SEC24D: variants seen among roughly 807,000 people sequenced by gnomAD.
SEC24D encodes the protein SEC24 homolog D, COPII component.
In SEC24D, 69 loss-of-function variants were observed where a neutral mutation model predicts 116.9. The observed-to-expected ratio is 0.59, with a 90% CI of 0.49 to 0.72. The LOEUF (loss-of-function observed/expected upper bound fraction) is 0.72. SEC24D is among the 30% of genes least tolerant of loss of function. The pLI, the probability that SEC24D is intolerant of heterozygous loss-of-function variation, is 0.00. For missense variants in SEC24D, 1,131 were observed against 1,264.1 expected (o/e 0.89, Z 1.60); for synonymous variants, 405 against 442.8 (o/e 0.91, Z 1.07).
At chr4:118,770,393 A>T (rs1328405333) in intron 8 of SEC24D, among the ~76,000 whole-genome samples, 1 of 152,210 alleles carries the variant, frequency 6.6e-6, no homozygotes, top group African/African-American at 2.4e-5. Context: ...TAAGAAGCGG[A>T]AGACAACAAA....
chr4:118,821,842 T>C (rs1390011181), intron 3 of SEC24D, among the ~76,000 whole-genome samples: 3 of 152,364 alleles, frequency 2.0e-5, no homozygotes, highest in Middle Eastern at 3.4e-3. Context: ...CAAGGCAGCA[T>C]GGTAACCAGG....
Position 118,723,565 on chromosome 4 carries a change from C to CTT in SEC24D, c.3048_3049insAA (p.Val1017LysfsTer19), listed in dbSNP as rs776306606. On this transcript the variant is annotated frameshift_variant, in exon 23 of 23. Transcript: ENST00000280551. LOFTEE classifies it high-confidence loss of function. ...TTGTGAACACAACAAAGGAAATCCA[C>CTT]ATAAGAAGAGCCTCCGTAAAGTCCT... The CTT allele has an allele frequency of 3.1e-6, 5 of 1,613,670 alleles. No homozygotes were observed. In the Admixed American group the frequency reaches 8.3e-5, roughly 27 times the overall value.
chr4:118,753,110 A>C (rs1439838848), intron 11 of SEC24D, among the ~76,000 whole-genome samples: 1 of 152,130 alleles, frequency 6.6e-6, no homozygotes, highest in African/African-American at 2.4e-5. Context: ...AAATCCTCAA[A>C]ATTCTAGGTA....
At chr4:118,770,753 A>T (rs541280176) in intron 8 of SEC24D, among the ~76,000 whole-genome samples, 1 of 152,206 alleles carries the variant, frequency 6.6e-6, no homozygotes, top group Non-Finnish European at 1.5e-5. Flanking sequence ...ATTGTCGGCA[A>T]TGAACACCTA....
At chr4:118,796,241 G>C (rs1729174068) in intron 8 of SEC24D, among the ~76,000 whole-genome samples, 1 of 152,146 alleles carries the variant, frequency 6.6e-6, no homozygotes, top group Non-Finnish European at 1.5e-5. Flanking sequence ...TTCTAGTTAA[G>C]TTTTTCTTTA....
At chr4:118,781,398 G>A (rs773368001) in intron 8 of SEC24D, among the ~76,000 whole-genome samples, 5 of 152,168 alleles carry the variant, frequency 3.3e-5, no homozygotes, top group Non-Finnish European at 5.9e-5. Context: ...TTTTCTTTAA[G>A]AATGTTGAAT....
At chr4:118,745,106 T>G in intron 13 of SEC24D, 46 bp from the exon 14 acceptor site, 1 of 1,013,792 alleles carries the variant, frequency 9.9e-7, no homozygotes. Flanking sequence ...ATGCCGTGAG[T>G]AGGAACATTT....
chr4:118,819,905 TCA>T (rs1426565063), intron 3 of SEC24D, among the ~76,000 whole-genome samples: 1 of 152,202 alleles, frequency 6.6e-6, no homozygotes, highest in African/African-American at 2.4e-5. Flanking sequence ...TATATAACCA[TCA>T]GTTATTACTT....
Position 118,833,634 on chromosome 4 carries a change from A to C in SEC24D, c.63T>G (p.Leu21=), listed in dbSNP as rs575533421. 6.2e-7 allele frequency: 1 copy of C among 1,614,162 alleles called. No individual in the cohort carries two copies. The highest frequency in any genetic ancestry group is 2.2e-5 in the East Asian group (1 of 44,870). ...PYSQPQPGIG[L]SPPHYGHYGD... is the part of the protein sequence containing the mutation. The stretch of plus-strand genomic sequence containing the variant: ...CATAGTGCCCATAATGAGGTGGAGA[A>C]AGGCCTATTCCAGGCTGAGGCTGAG... The change falls in exon 2 of 23, where the codon CTT becomes CTG. Residue 21 remains leucine (L), a synonymous_variant. Transcript: ENST00000280551.
Position 118,731,315 on chromosome 4 carries a change from C to T in SEC24D, c.2868+1G>A. 1.9e-6 allele frequency: 3 copies of T among 1,605,516 alleles called. No homozygotes were observed. Among genetic ancestry groups the T allele is most frequent in the Non-Finnish European group, 2.6e-6 (3 of 1,172,190 alleles). On this transcript the variant is annotated splice_donor_variant, in intron 21 of 22. Coordinates refer to ENST00000280551, the MANE Select transcript of SEC24D (RefSeq NM_014822.4). LOFTEE classifies it high-confidence loss of function. The stretch of plus-strand genomic sequence containing the variant: ...ACAAAAGCAATGAAAATAATACTTA[C>T]CATATCTGTGTTGATATGTGCAAAA...
intron 14 of SEC24D, 29 bp from the exon 15 acceptor site, chr4:118,744,187 A>G: frequency 6.7e-7 from 1 of 1,500,434 alleles, no homozygotes; most frequent in Non-Finnish European, 8.9e-7. Flanking sequence ...AAAAAAGAAA[A>G]AATAAAAATT....
chr4:118,804,035 A>T (rs1183142852), intron 7 of SEC24D, among the ~76,000 whole-genome samples: 3 of 152,328 alleles, frequency 2.0e-5, no homozygotes. Context: ...AGTTCTGAAC[A>T]AGTGGAATTC....
intron 15 of SEC24D, among the ~76,000 whole-genome samples, chr4:118,742,945 G>GT (rs370901688): frequency 3.9e-4 from 60 of 152,166 alleles, no homozygotes; most frequent in East Asian, 3.3e-3. Context: ...TCAATACAGT[G>GT]TTTTTTTCAA....
chr4:118,743,865 T>A (rs1726357612), intron 15 of SEC24D, 123 bp downstream of exon 15: 1 of 872,064 alleles, frequency 1.1e-6, no homozygotes, highest in East Asian at 2.7e-5. Flanking sequence ...TTGTTTTCCA[T>A]CTGCTCTTGA....
At chr4:118,729,919 A>G (rs2110428680) in intron 21 of SEC24D, 1 of 152,342 alleles carries the variant, frequency 6.6e-6, no homozygotes, top group Non-Finnish European at 1.5e-5. Context: ...TGGTAGATCT[A>G]TTTATTCAAC....
chr4:118,793,832 G>C (rs1729056341), intron 8 of SEC24D, among the ~76,000 whole-genome samples: 1 of 152,202 alleles, frequency 6.6e-6, no homozygotes, highest in East Asian at 1.9e-4. Context: ...TGAATGTCTA[G>C]GGGAAAAGAA....
rs1475073586 is a variant in SEC24D, at chr4:118,811,019, A to G, written c.801+4009T>C. On this transcript the variant is annotated intron_variant, in intron 6 of 22. Transcript: ENST00000280551. ...CAAATTGCTGCTGATGTCAAATCAC[A>G]TGAAAGCTGAGAATTGACCATTAGA... 2.0e-5 allele frequency among the ~76,000 whole-genome samples: 3 copies of G among 152,254 alleles called. No homozygotes were observed. The East Asian group carries it at 5.8e-4, about 29-fold the overall frequency.
intron 2 of SEC24D, among the ~76,000 whole-genome samples, chr4:118,830,250 C>T (rs1448530464): frequency 1.3e-5 from 2 of 152,078 alleles, no homozygotes; most frequent in African/African-American, 4.8e-5. Flanking sequence ...GGATTTAATC[C>T]AACAAAGACA....
At position 118,732,735 on chromosome 4, in the gene SEC24D, T is replaced by C. The variant is rs1201806946; in HGVS notation, c.2674A>G (p.Ile892Val). 1 of 1,613,578 alleles carries C rather than the reference T, an allele frequency of 6.2e-7. No individual in the cohort carries two copies. Among genetic ancestry groups the C allele is most frequent in the Admixed American group, 1.7e-5 (1 of 59,966 alleles). The change falls in exon 20 of 23, where the codon ATA (isoleucine) becomes GTA (valine). Residue 892 changes from isoleucine to valine, a missense_variant and splice_region_variant. Coordinates refer to ENST00000280551, the MANE Select transcript of SEC24D (RefSeq NM_014822.4). ...QLFFYPQLLP[I>V]HTLDVKSTML... The stretch of plus-strand genomic sequence containing the variant: ...ATGCACCACCCCAGCATGCTTACTA[T>C]GGGCAGAAGTTGTGGGTAGAAGAAA...
Sources: gnomAD v4.1 joint callset for allele counts (sites outside exome capture counted in the v4.1 genomes callset) on GRCh38, gnomAD v4.1.1 for gene constraint, MANE v1.5 for transcripts, NCBI Gene and HGNC (gene_info 2026-07-23, HGNC 2026-07-21) for gene names.